Variants in GABRB2 observed in about 807,000 individuals in gnomAD.
The protein encoded by GABRB2 is gamma-aminobutyric acid type A receptor subunit beta2.
Under a neutral mutation model 54.7 loss-of-function variants are expected in GABRB2, and 16 were observed. The observed-to-expected ratio is 0.29, with a 90% CI of 0.20 to 0.44. The LOEUF (loss-of-function observed/expected upper bound fraction) is 0.44. Among genes scored for constraint, GABRB2 ranks in the 20% least tolerant of loss-of-function variants. The pLI is 1.00. For synonymous variants in GABRB2, 244 were observed against 233.8 expected, an observed-to-expected ratio of 1.04 and a Z score of -0.40; for missense variants, 355 against 644.0, an observed-to-expected ratio of 0.55 and a Z score of 4.86.
chr5:161,448,417 A>G (rs141389504), intron 4 of GABRB2, among the ~76,000 whole-genome samples: 26 of 152,190 alleles, frequency 1.7e-4, no homozygotes, highest in African/African-American at 6.3e-4. Flanking sequence ...CTGTATCTAA[A>G]AAAACTGAGT....
intron 6 of GABRB2, among the ~76,000 whole-genome samples, chr5:161,335,984 C>A (rs1753978572): frequency 6.6e-6 from 1 of 151,978 alleles, no homozygotes; most frequent in Non-Finnish European, 1.5e-5. Flanking sequence ...ATATTTTTTG[C>A]CTAAATGAGT....
intron 4 of GABRB2, among the ~76,000 whole-genome samples, chr5:161,426,986 T>A (rs1367727660): frequency 1.3e-5 from 2 of 152,162 alleles, no homozygotes; most frequent in Non-Finnish European, 2.9e-5. Context: ...TCAACCAAGA[T>A]AAAGAACAGC....
chr5:161,314,579 A>G (rs1395427935), intron 9 of GABRB2, among the ~76,000 whole-genome samples: 2 of 152,156 alleles, frequency 1.3e-5, no homozygotes, highest in African/African-American at 4.8e-5. Context: ...TTTTATTTTG[A>G]CAAAATAATT....
At chr5:161,438,592 G>T (rs1427687666) in intron 4 of GABRB2, among the ~76,000 whole-genome samples, 2 of 152,104 alleles carry the variant, frequency 1.3e-5, no homozygotes, top group African/African-American at 2.4e-5. Flanking sequence ...AGAGATGTGT[G>T]ACCTTTCAGA....
intron 5 of GABRB2, among the ~76,000 whole-genome samples, chr5:161,399,889 C>G (rs566933249): frequency 6.6e-6 from 1 of 152,156 alleles, no homozygotes; most frequent in African/African-American, 2.4e-5. Context: ...CAAGATCTGG[C>G]ACAAAGTAAG....
chr5:161,338,558 C>T (rs1227269253), intron 5 of GABRB2, among the ~76,000 whole-genome samples: 1 of 152,000 alleles, frequency 6.6e-6, no homozygotes, highest in African/African-American at 2.4e-5. Context: ...GAGGCCAATG[C>T]TGGAGGATCA....
chr5:161,309,205 C>G (rs1284740444), intron 9 of GABRB2, among the ~76,000 whole-genome samples: 1 of 152,068 alleles, frequency 6.6e-6, no homozygotes, highest in East Asian at 1.9e-4. Context: ...AGTACACGAA[C>G]AGACACTTTT....
intron 4 of GABRB2, among the ~76,000 whole-genome samples, chr5:161,432,750 T>C (rs1757204445): frequency 6.6e-6 from 1 of 152,054 alleles, no homozygotes; most frequent in African/African-American, 2.4e-5. Context: ...TTATTTCCAG[T>C]ACCTCAGAGT....
At chr5:161,473,494 A>G (rs1429714792) in intron 3 of GABRB2, among the ~76,000 whole-genome samples, 7 of 152,132 alleles carry the variant, frequency 4.6e-5, no homozygotes, top group African/African-American at 1.7e-4. Context: ...AGGAACACAA[A>G]TTGACGATTT....
chr5:161,473,728 C>T (rs909475301), intron 3 of GABRB2, among the ~76,000 whole-genome samples: 2 of 151,930 alleles, frequency 1.3e-5, no homozygotes, highest in Non-Finnish European at 2.9e-5. Context: ...ATTTGAATAT[C>T]ATCAGCCACT....
At chr5:161,331,961 C>T (rs13178374) in intron 7 of GABRB2, among the ~76,000 whole-genome samples, 2 of 151,738 alleles carry the variant, frequency 1.3e-5, no homozygotes, top group South Asian at 4.2e-4. Flanking sequence ...GTCAGGAGAT[C>T]GAGACCATCC....
At chr5:161,432,052 AT>A (rs1259205360) in intron 4 of GABRB2, among the ~76,000 whole-genome samples, 2 of 152,226 alleles carry the variant, frequency 1.3e-5, no homozygotes, top group Non-Finnish European at 2.9e-5. Context: ...CACAGGGTGC[AT>A]TTAATCAACA....
chr5:161,440,356 C>T (rs556746166), intron 4 of GABRB2, among the ~76,000 whole-genome samples: 13 of 152,194 alleles, frequency 8.5e-5, no homozygotes, highest in African/African-American at 3.1e-4. Flanking sequence ...CGCACTTCAA[C>T]TATAAAGACA....
intron 3 of GABRB2, among the ~76,000 whole-genome samples, chr5:161,522,935 TTGTGTA>T (rs1275875190): frequency 9.2e-5 from 14 of 151,414 alleles, no homozygotes; most frequent in Non-Finnish European, 1.8e-4. Flanking sequence ...AAAATTAAAT[TTGTGTA>T]TGTGTGTGTG....
intron 3 of GABRB2, among the ~76,000 whole-genome samples, chr5:161,503,565 G>C (rs996675973): frequency 2.0e-5 from 3 of 151,856 alleles, no homozygotes; most frequent in Admixed American, 6.6e-5. Flanking sequence ...AAAGTTAGCC[G>C]GGCATGGTGG....
At chr5:161,541,244 T>C (rs1469544344) in intron 3 of GABRB2, among the ~76,000 whole-genome samples, 1 of 151,986 alleles carries the variant, frequency 6.6e-6, no homozygotes, top group African/African-American at 2.4e-5. Context: ...TAAACAGATA[T>C]GCTGTCATCT....
chr5:161,299,299 G>C (rs1246970886), intron 9 of GABRB2, among the ~76,000 whole-genome samples: 2 of 152,122 alleles, frequency 1.3e-5, no homozygotes, highest in African/African-American at 4.8e-5. Flanking sequence ...AGGCCAATCA[G>C]AGCCATTCTG....
chr5:161,546,747 C>T (rs1270213280), upstream of GABRB2: 7 of 1,518,934 alleles, frequency 4.6e-6, no homozygotes, highest in African/African-American at 9.8e-5. Context: ...GCACGGCGTA[C>T]CAAAACATCA....
chr5:161,457,084 C>T (rs1325508883), intron 4 of GABRB2, among the ~76,000 whole-genome samples: 2 of 152,026 alleles, frequency 1.3e-5, no homozygotes, highest in Admixed American at 1.3e-4. Flanking sequence ...TACTATTTGC[C>T]CATTGAAGCT....
Sources: allele counts gnomAD v4.1 joint callset (sites outside exome capture counted in the v4.1 genomes callset), GRCh38; gene constraint gnomAD v4.1.1; transcripts MANE v1.5; gene names NCBI Gene and HGNC (gene_info 2026-07-23, HGNC 2026-07-21).